The following NFIB variants were observed in gnomAD, a reference collection of about 807,000 sequenced individuals.
NFIB encodes nuclear factor 1 B-type.
NFIB carries 11 observed loss-of-function variants against 61.5 expected under a neutral mutation model. The observed-to-expected ratio is 0.18, with a 90% confidence interval of 0.11 to 0.30. The LOEUF is 0.30. NFIB is among the 10% of genes least tolerant of loss of function. The pLI is 1.00. For synonymous variants in NFIB, 260 were observed against 216.5 expected (o/e 1.20, Z -1.76); for missense variants, 471 against 608.9 (o/e 0.77, Z 2.38).
intron 2 of NFIB, among the ~76,000 whole-genome samples, chr9:14,257,979 A>G (rs1489506301): frequency 1.3e-5 from 2 of 152,190 alleles, no homozygotes; most frequent in African/African-American, 4.8e-5. Flanking sequence ...TAAATAATAC[A>G]ATTTACTAAA....
At chr9:14,355,836 A>G (rs71511085) in intron 1 of NFIB, among the ~76,000 whole-genome samples, 53 of 152,306 alleles carry the variant, frequency 3.5e-4, no homozygotes, top group Non-Finnish European at 6.8e-4. Context: ...GGGTGCCTGT[A>G]GTCCCAGCTA....
At chr9:14,437,857 G>C in the NFIB span, among the ~76,000 whole-genome samples, 3 of 152,234 alleles carry the variant, frequency 2.0e-5, no homozygotes, top group South Asian at 6.2e-4. Flanking sequence ...TGGAGGCCAA[G>C]AGTGGCAATC....
chr9:14,399,055 A>G (rs1233997707), upstream of NFIB: 2 of 206,248 alleles, frequency 9.7e-6, no homozygotes, highest in East Asian at 1.5e-4. Flanking sequence ...TGTGCTATAA[A>G]TGCAAACTAT....
At chr9:14,455,703 A>G in the NFIB span, among the ~76,000 whole-genome samples, 1 of 152,180 alleles carries the variant, frequency 6.6e-6, no homozygotes, top group Non-Finnish European at 1.5e-5. Flanking sequence ...AAGGGCAATT[A>G]ACTCTCAGGG....
intron 2 of NFIB, among the ~76,000 whole-genome samples, chr9:14,268,936 C>G (rs1050977342): frequency 2.0e-5 from 3 of 152,280 alleles, no homozygotes; most frequent in Admixed American, 2.0e-4. Flanking sequence ...GACCTAGGTA[C>G]AGTACAACCA....
chr9:14,204,130 T>C, intron 2 of NFIB: 1 of 437,102 alleles, frequency 2.3e-6, no homozygotes, highest in Non-Finnish European at 4.0e-6. Context: ...TAACAGGCTA[T>C]GTTTGTCTTA....
intron 1 of NFIB, among the ~76,000 whole-genome samples, chr9:14,370,635 T>A (rs1478207234): frequency 1.3e-5 from 2 of 152,218 alleles, no homozygotes; most frequent in Non-Finnish European, 2.9e-5. Context: ...AAGAACAGAT[T>A]CATCTCAGGA....
chr9:14,333,483 AT>A (rs1335227727), intron 1 of NFIB, among the ~76,000 whole-genome samples: 1 of 152,030 alleles, frequency 6.6e-6, no homozygotes, highest in East Asian at 1.9e-4. Flanking sequence ...CTTAGGGCTC[AT>A]TCTAGGCCCC....
chr9:14,464,980 A>C, the NFIB span, among the ~76,000 whole-genome samples: 1 of 152,176 alleles, frequency 6.6e-6, no homozygotes, highest in East Asian at 1.9e-4. Flanking sequence ...TGAACATGGG[A>C]GTGCCATGAT....
intron 2 of NFIB, among the ~76,000 whole-genome samples, chr9:14,221,010 G>A (rs1365812131): frequency 6.6e-6 from 1 of 151,862 alleles, no homozygotes. Flanking sequence ...ACTCCTCTAA[G>A]GCCTCCATCA....
intron 1 of NFIB, among the ~76,000 whole-genome samples, chr9:14,350,514 T>G (rs1321239263): frequency 4.9e-4 from 68 of 140,014 alleles, no homozygotes; most frequent in South Asian, 7.0e-4. Flanking sequence ...CTGGGTGGGG[T>G]GGGGGGGGAA....
intron 2 of NFIB, among the ~76,000 whole-genome samples, chr9:14,189,811 T>C (rs2047749378): frequency 6.6e-6 from 1 of 150,656 alleles, no homozygotes; most frequent in African/African-American, 2.4e-5. Flanking sequence ...TAACCACTGT[T>C]TTACAGAGAA....
At chr9:14,306,476 T>C (rs942073905) in intron 2 of NFIB, among the ~76,000 whole-genome samples, 9 of 152,228 alleles carry the variant, frequency 5.9e-5, no homozygotes, top group African/African-American at 2.2e-4. Flanking sequence ...CTTAAGCATT[T>C]TGTAATAGTA....
chr9:14,491,737 G>A, the NFIB span, among the ~76,000 whole-genome samples: 1 of 152,052 alleles, frequency 6.6e-6, no homozygotes, highest in Admixed American at 6.5e-5. Flanking sequence ...TAAATTCAAA[G>A]CCTCCCCCCT....
At chr9:14,200,077 T>TGA (rs2048869190) in intron 2 of NFIB, among the ~76,000 whole-genome samples, 1 of 152,188 alleles carries the variant, frequency 6.6e-6, no homozygotes, top group Non-Finnish European at 1.5e-5. Context: ...CCCCTAGGTC[T>TGA]GAAGGCCTGG....
At chr9:14,186,253 A>AC (rs1197685603) in intron 2 of NFIB, among the ~76,000 whole-genome samples, 3 of 152,166 alleles carry the variant, frequency 2.0e-5, no homozygotes, top group Admixed American at 2.0e-4. Context: ...TAACCTGTTA[A>AC]CCTACAGATA....
intron 2 of NFIB, among the ~76,000 whole-genome samples, chr9:14,209,761 A>T (rs1026761694): frequency 2.6e-5 from 4 of 152,210 alleles, no homozygotes; most frequent in African/African-American, 9.6e-5. Flanking sequence ...GCAGAGGACT[A>T]CAAGTTTGGA....
chr9:14,483,923 A>C, the NFIB span, among the ~76,000 whole-genome samples: 1 of 152,232 alleles, frequency 6.6e-6, no homozygotes, highest in East Asian at 1.9e-4. Flanking sequence ...GCAGATCATC[A>C]GGAAGCTACA....
At chr9:14,309,052 T>C (rs944627092) in intron 1 of NFIB, among the ~76,000 whole-genome samples, 2 of 152,198 alleles carry the variant, frequency 1.3e-5, no homozygotes, top group Non-Finnish European at 2.9e-5. Context: ...CTGATCATAT[T>C]GACTATACTG....
Sources: gnomAD v4.1 joint callset for allele counts (sites outside exome capture counted in the v4.1 genomes callset) on GRCh38, gnomAD v4.1.1 for gene constraint, MANE v1.5 for transcripts, NCBI Gene and HGNC (gene_info 2026-07-23, HGNC 2026-07-21) for gene names.